The following PRKAR1B variants were observed in gnomAD, a reference collection of about 807,000 sequenced individuals.
The protein encoded by PRKAR1B is protein kinase cAMP-dependent type I regulatory subunit beta.
In PRKAR1B, 22 loss-of-function variants were observed where a neutral mutation model predicts 46.5. That is an observed-to-expected ratio of 0.47 (90% CI 0.34 to 0.68). PRKAR1B has a LOEUF of 0.68. Ranked by LOEUF, PRKAR1B falls within the 30% of genes least tolerant of loss-of-function variation. PRKAR1B has a pLI of 0.01. For synonymous variants in PRKAR1B, 259 were observed against 217.7 expected, an observed-to-expected ratio of 1.19 and a Z score of -1.67; for missense variants, 445 against 535.6, an observed-to-expected ratio of 0.83 and a Z score of 1.67.
chr7:712,094 GGCC>G (rs1007589381), intron 1 of PRKAR1B, among the ~76,000 whole-genome samples: 23 of 151,754 alleles, frequency 1.5e-4, no homozygotes, highest in African/African-American at 5.3e-4. Flanking sequence ...CAAATGCGGC[GGCC>G]GCGCAGCGAA....
intron 2 of PRKAR1B, among the ~76,000 whole-genome samples, chr7:682,163 G>C (rs1369008193): frequency 6.6e-6 from 1 of 152,180 alleles, no homozygotes; most frequent in Admixed American, 6.5e-5. Flanking sequence ...GGCCACACCG[G>C]GTAGCTCACA....
intron 2 of PRKAR1B, among the ~76,000 whole-genome samples, chr7:705,328 GAA>G (rs375633603): frequency 6.0e-5 from 8 of 134,240 alleles, no homozygotes; most frequent in South Asian, 2.4e-4. Flanking sequence ...AAAGAAAAAA[GAA>G]AAAAAAAAAC....
At chr7:693,324 C>T (rs1175322684) in intron 2 of PRKAR1B, among the ~76,000 whole-genome samples, 1 of 151,452 alleles carries the variant, frequency 6.6e-6, no homozygotes, top group African/African-American at 2.4e-5. Flanking sequence ...TCAGCCACGT[C>T]GACACATTCA....
intron 2 of PRKAR1B, among the ~76,000 whole-genome samples, chr7:686,397 T>C (rs1779100926): frequency 6.6e-6 from 1 of 151,882 alleles, no homozygotes; most frequent in Non-Finnish European, 1.5e-5. Context: ...AGAAAGGAAA[T>C]AGTAAAAGAT....
intron 6 of PRKAR1B, among the ~76,000 whole-genome samples, chr7:600,359 G>C (rs1219719891): frequency 6.6e-6 from 1 of 152,124 alleles, no homozygotes; most frequent in Non-Finnish European, 1.5e-5. Context: ...TTTAAAATTA[G>C]CTGGACGTGG....
chr7:554,020 G>A (rs1478552991), intron 9 of PRKAR1B, among the ~76,000 whole-genome samples: 1 of 152,274 alleles, frequency 6.6e-6, no homozygotes, highest in South Asian at 2.1e-4. Context: ...GGGCGCTGGA[G>A]AGAGGGAAGA....
intron 2 of PRKAR1B, among the ~76,000 whole-genome samples, chr7:699,961 C>A (rs35951899): frequency 7.2e-5 from 11 of 152,042 alleles, no homozygotes; most frequent in African/African-American, 1.7e-4. Flanking sequence ...GTCATTCAGC[C>A]GAGGGGACAG....
chr7:612,456 G>GTGGA (rs200108032), intron 4 of PRKAR1B, among the ~76,000 whole-genome samples: 23 of 148,576 alleles, frequency 1.5e-4, no homozygotes, highest in Admixed American at 4.7e-4. Flanking sequence ...GAGTAGATTA[G>GTGGA]TGGATGGATG....
intron 4 of PRKAR1B, among the ~76,000 whole-genome samples, chr7:619,994 G>A (rs565520169): frequency 6.7e-6 from 1 of 150,262 alleles, no homozygotes; most frequent in East Asian, 2.0e-4. Flanking sequence ...GGGCCTACAG[G>A]CACATGCCAT....
chr7:657,293 ATGGATGG>A lies in PRKAR1B; in HGVS notation c.440+19929_440+19935del, dbSNP rs1186181165. 3.8e-4 allele frequency among the ~76,000 whole-genome samples: 58 copies of A among 150,908 alleles called. 1 individual carries two copies. Among genetic ancestry groups the A allele is most frequent in the African/African-American group, 1.4e-3 (56 of 41,016 alleles). On this transcript the variant is annotated intron_variant, in intron 4 of 10. Coordinates refer to ENST00000537384, the MANE Select transcript of PRKAR1B (RefSeq NM_001164760.2). ...GATGGATGGATGGATGGATGGATGG[ATGGATGG>A]ATGAATGAATGAGTGAACAAATGAA... is the stretch of plus-strand genomic sequence containing the variant.
At chr7:559,185 C>T (rs1176814457) in intron 9 of PRKAR1B, among the ~76,000 whole-genome samples, 1 of 152,246 alleles carries the variant, frequency 6.6e-6, no homozygotes. Context: ...GAGGCAGACA[C>T]AACCCACAAG....
intron 4 of PRKAR1B, among the ~76,000 whole-genome samples, chr7:611,943 GTGGA>G (rs1782521110): frequency 6.7e-6 from 1 of 149,228 alleles, no homozygotes; most frequent in Non-Finnish European, 1.5e-5. Flanking sequence ...GGACAGGTGG[GTGGA>G]TGAACAGGTG....
intron 9 of PRKAR1B, among the ~76,000 whole-genome samples, chr7:562,359 T>C (rs1456021318): frequency 6.6e-6 from 1 of 152,160 alleles, no homozygotes; most frequent in Non-Finnish European, 1.5e-5. Flanking sequence ...AGCGTCCCAG[T>C]GAGGGCCCTG....
At chr7:702,313 AAC>A (rs1403007874) in intron 2 of PRKAR1B, among the ~76,000 whole-genome samples, 1 of 152,298 alleles carries the variant, frequency 6.6e-6, no homozygotes, top group East Asian at 1.9e-4. Context: ...TAGGAAAAAA[AAC>A]AGAGAAAACA....
rs1344836411 is a variant in PRKAR1B at position 667,264 on chromosome 7, CAT to C, written c.440+9963_440+9964del. 1.4e-4 allele frequency among the ~76,000 whole-genome samples: 21 copies of C among 152,128 alleles called. No homozygotes were observed. The highest frequency in any genetic ancestry group is 5.1e-4 in the African/African-American group (21 of 41,404). On this transcript the variant is annotated intron_variant, in intron 4 of 10. Transcript: ENST00000537384. This position sits in a 1 kb window ranked among gnomAD's most constrained non-coding sequence, Gnocchi z 4.3. ...ATGATGGTGGTGATAACAGTACACA[CAT>C]AGATATTCTTGCTTTATATTCTCAC...
intron 4 of PRKAR1B, among the ~76,000 whole-genome samples, chr7:655,815 C>T (rs73046069): frequency 0.086 from 13,161 of 152,168 alleles, 748 homozygotes; most frequent in South Asian, 0.24. Flanking sequence ...TTGATGAGAG[C>T]ATGCCCCAAG....
rs539360672 is a variant in PRKAR1B, at chr7:573,625, C to A, written c.891+5631G>T. Among the ~76,000 whole-genome samples, 13 of 152,348 alleles carry A rather than the reference C, an allele frequency of 8.5e-5. No individual in the cohort carries two copies. The East Asian group carries it at 2.5e-3, about 29-fold the overall frequency. The stretch of plus-strand genomic sequence containing the variant: ...GCCCCCCAAGATCACGAAAATCAGC[C>A]GTAACGGCCTTCAGCAGATGTGCCA... On this transcript the variant is annotated intron_variant, in intron 9 of 10. Transcript: ENST00000537384.
intron 10 of PRKAR1B, 126 bp downstream of exon 10, chr7:551,263 C>A: frequency 3.4e-6 from 3 of 883,912 alleles, no homozygotes; most frequent in Non-Finnish European, 5.3e-6. Context: ...CACACTGGGG[C>A]TCAGCCAAGC....
In PRKAR1B at chr7:726,895, G is replaced by A. The variant is rs1030876371; in HGVS notation, c.-23+315C>T. 5.2e-6 allele frequency: 7 copies of A among 1,335,116 alleles called. No individual in the cohort carries two copies. The African/African-American group carries it at 9.3e-5, about 18-fold the overall frequency. 82.7% of individuals were successfully genotyped at this position (1,335,116 alleles called of 1,614,324 possible). On this transcript the variant is annotated intron_variant, in intron 1 of 10. Coordinates refer to ENST00000537384, the MANE Select transcript of PRKAR1B (RefSeq NM_001164760.2). ...GGAGGCCCTGCGGCGCGCGCTGGAG[G>A]AGCCAGGCCCTGCCGCCGACCCCAC...
Sources: allele counts gnomAD v4.1 joint callset (sites outside exome capture counted in the v4.1 genomes callset), GRCh38; gene constraint gnomAD v4.1.1; non-coding constraint Gnocchi (gnomAD v3.1); transcripts MANE v1.5; gene names NCBI Gene and HGNC (gene_info 2026-07-23, HGNC 2026-07-21).